Variants in CNTRL observed in about 807,000 individuals in gnomAD.
CNTRL encodes centriolin, also known as 110 kDa centrosomal protein.
Under a neutral mutation model 303.7 loss-of-function variants are expected in CNTRL, and 233 were observed. The ratio of observed to expected loss-of-function variants is 0.77; its 90% CI spans 0.69 to 0.86. The LOEUF (loss-of-function observed/expected upper bound fraction) is 0.86. CNTRL is among the 40% of genes least tolerant of loss of function. The pLI, the probability that CNTRL is intolerant of heterozygous loss-of-function variation, is 0.00. For missense variants in CNTRL, 2,524 were observed against 2,650.6 expected (o/e 0.95, Z 1.05); for synonymous variants, 900 against 922.2 (o/e 0.98, Z 0.44).
intron 4 of CNTRL, among the ~76,000 whole-genome samples, chr9:121,094,095 G>A (rs1460413375): frequency 6.6e-6 from 1 of 151,806 alleles, no homozygotes; most frequent in Non-Finnish European, 1.5e-5. Context: ...GGCCAACAGC[G>A]AGACTCGGTC....
chr9:121,144,127 G>A, intron 20 of CNTRL, 45 bp downstream of exon 20: 1 of 1,494,204 alleles, frequency 6.7e-7, no homozygotes, highest in Non-Finnish European at 9.1e-7. Flanking sequence ...TGATGCTGCT[G>A]TCAAAAAACA....
intron 12 of CNTRL, among the ~76,000 whole-genome samples, chr9:121,119,078 ATATG>A (rs771261747): frequency 4.0e-5 from 4 of 99,966 alleles, no homozygotes; most frequent in Admixed American, 1.2e-4. Context: ...ATACATAAAT[ATATG>A]TGTGTGTGTG....
chr9:121,112,439 A>G lies in CNTRL; in HGVS notation c.1003-20A>G, dbSNP rs1248246544. The G allele has an allele frequency of 6.2e-7, 1 of 1,610,028 alleles. No homozygotes were observed. Among genetic ancestry groups the G allele is most frequent in the Non-Finnish European group, 8.5e-7 (1 of 1,177,026 alleles). On this transcript the variant is annotated intron_variant, in intron 8 of 43. Transcript: ENST00000373855. ...ACTTACTGATCCTGTATGTTGTCTCATATCAAATTGGGCCAATAGCTAAAA... is the reference window on the plus strand; with the variant it reads ...ACTTACTGATCCTGTATGTTGTCTCGTATCAAATTGGGCCAATAGCTAAAA...
intron 12 of CNTRL, among the ~76,000 whole-genome samples, chr9:121,119,208 T>A (rs1229508202): frequency 6.6e-6 from 1 of 152,068 alleles, no homozygotes; most frequent in Non-Finnish European, 1.5e-5. Flanking sequence ...ATATTTATTT[T>A]TTTTTAAGTG....
chr9:121,140,990 T>G (rs1320779284), intron 17 of CNTRL, among the ~76,000 whole-genome samples: 1 of 152,254 alleles, frequency 6.6e-6, no homozygotes, highest in Non-Finnish European at 1.5e-5. Flanking sequence ...ACATTTTGGA[T>G]CTTTTTTTTG....
At chr9:121,169,521 A>G in intron 38 of CNTRL, 90 bp from the exon 39 acceptor site, 1 of 1,212,142 alleles carries the variant, frequency 8.2e-7, no homozygotes. Flanking sequence ...GTAGCATATC[A>G]CCATTATGCA....
At chr9:121,100,183 A>T (rs1365679329) in intron 7 of CNTRL, among the ~76,000 whole-genome samples, 1 of 152,248 alleles carries the variant, frequency 6.6e-6, no homozygotes, top group African/African-American at 2.4e-5. Context: ...CCCACAAGGG[A>T]AGCCCATCAG....
intron 31 of CNTRL, among the ~76,000 whole-genome samples, chr9:121,159,709 T>C (rs2052759574): frequency 1.3e-5 from 2 of 151,962 alleles, no homozygotes; most frequent in Admixed American, 6.6e-5. Context: ...AAAACTTCTC[T>C]GACCTTTTTC....
chr9:121,075,166 G>C (rs1018545749), intron 1 of CNTRL, 99 bp downstream of exon 1: 16 of 347,938 alleles, frequency 4.6e-5, no homozygotes, highest in African/African-American at 3.5e-4. Context: ...CGTGGTGTGG[G>C]CCGGCTTGGG....
chr9:121,159,210 T>C (rs1564290746), intron 31 of CNTRL, among the ~76,000 whole-genome samples, 191 bp downstream of exon 31: 1 of 152,228 alleles, frequency 6.6e-6, no homozygotes, highest in African/African-American at 2.4e-5. Flanking sequence ...TGTTGTTTTC[T>C]GGATATGCTC....
Position 121,166,094 on chromosome 9 carries a change from G to A in CNTRL, c.5582-13G>A. The A allele has an allele frequency of 6.3e-7, 1 of 1,597,072 alleles. No individual in the cohort carries two copies. The highest frequency in any genetic ancestry group is 8.6e-7 in the Non-Finnish European group (1 of 1,167,278). On this transcript the variant is annotated splice_polypyrimidine_tract_variant and intron_variant, in intron 35 of 43. Transcript: ENST00000373855. ...TATGTATTTCTTATTTCATGAGAATGTCATTTCTTTAGAAAAACGAGAAGC... is the reference window on the plus strand; with the variant it reads ...TATGTATTTCTTATTTCATGAGAATATCATTTCTTTAGAAAAACGAGAAGC...
At chr9:121,118,938 A>G (rs1204404925) in intron 12 of CNTRL, among the ~76,000 whole-genome samples, 1 of 152,226 alleles carries the variant, frequency 6.6e-6, no homozygotes, top group Non-Finnish European at 1.5e-5. Flanking sequence ...ATTTTATAGA[A>G]GGGACTTGAG....
intron 14 of CNTRL, among the ~76,000 whole-genome samples, chr9:121,129,714 G>C (rs929893449): frequency 2.0e-5 from 3 of 152,172 alleles, no homozygotes; most frequent in African/African-American, 7.2e-5. Flanking sequence ...TCTTGTGCCA[G>C]TTTTCAAAGG....
chr9:121,096,093 C>T (rs2048879253), intron 5 of CNTRL, among the ~76,000 whole-genome samples: 1 of 152,092 alleles, frequency 6.6e-6, no homozygotes, highest in Admixed American at 6.6e-5. Flanking sequence ...ATTGAGTTTC[C>T]CAGGTCTCCA....
intron 16 of CNTRL, among the ~76,000 whole-genome samples, chr9:121,139,782 G>C (rs911309937): frequency 3.9e-5 from 6 of 152,094 alleles, no homozygotes; most frequent in Non-Finnish European, 7.4e-5. Context: ...TTTTGTTGCT[G>C]GAATATTTTA....
intron 1 of CNTRL, among the ~76,000 whole-genome samples, 151 bp downstream of exon 1, chr9:121,075,218 G>A (rs1480439081): frequency 6.6e-6 from 1 of 152,262 alleles, no homozygotes; most frequent in Non-Finnish European, 1.5e-5. Flanking sequence ...ATTGGGATTG[G>A]ACGGGAAAGA....
At chr9:121,102,061 T>G (rs1352430997) in intron 7 of CNTRL, among the ~76,000 whole-genome samples, 1 of 152,200 alleles carries the variant, frequency 6.6e-6, no homozygotes, top group Non-Finnish European at 1.5e-5. Context: ...GAGGCCAGCA[T>G]CATCCTGACA....
At chr9:121,158,173 A>C (rs2052676002) in intron 30 of CNTRL, 64 bp downstream of exon 30, 1 of 1,554,976 alleles carries the variant, frequency 6.4e-7, no homozygotes, top group African/African-American at 1.4e-5. Context: ...AAAGTAATAC[A>C]TGTTTAATTG....
chr9:121,169,669 C>T lies in CNTRL; in HGVS notation c.6129C>T (p.Ala2043=). ...TGGAGAAATCAGGTGAGCTGTTGGC[C>T]CTCCAGAAAGAGGCAGATTCTATGA... ...QLVEKSGELL[A]LQKEADSMRA... Residue 2043 remains alanine, a synonymous_variant, in exon 39 of 44, where the codon GCC becomes GCT. Coordinates refer to ENST00000373855, the MANE Select transcript of CNTRL (RefSeq NM_007018.6). 1 of 1,614,088 alleles carries T rather than the reference C, an allele frequency of 6.2e-7. No homozygotes were observed. The highest frequency in any genetic ancestry group is 1.7e-5 in the Admixed American group (1 of 60,024).
Sources: allele counts gnomAD v4.1 joint callset (sites outside exome capture counted in the v4.1 genomes callset), GRCh38; gene constraint gnomAD v4.1.1; transcripts MANE v1.5; gene names NCBI Gene and HGNC (gene_info 2026-07-23, HGNC 2026-07-21).